Variants in OAT observed in about 807,000 individuals in gnomAD.
OAT encodes ornithine aminotransferase, also known as ornithine aminotransferase, mitochondrial.
OAT carries 35 observed loss-of-function variants against 48.4 expected under a neutral mutation model. The ratio of observed to expected loss-of-function variants is 0.72; its 90% CI spans 0.55 to 0.96. The LOEUF is 0.96. Ranked by LOEUF, OAT falls within the 40% of genes least tolerant of loss-of-function variation. The pLI is 0.00. For missense variants in OAT, 438 were observed against 537.9 expected, an observed-to-expected ratio of 0.81 and a Z score of 1.84; for synonymous variants, 182 against 198.4, an observed-to-expected ratio of 0.92 and a Z score of 0.70.
At chr10:124,411,176 G>GTCA (rs1160544641) in intron 2 of OAT, among the ~76,000 whole-genome samples, 2 of 133,868 alleles carry the variant, frequency 1.5e-5, no homozygotes, top group South Asian at 2.5e-4. Context: ...AAGAAGAGAT[G>GTCA]TCATGTCTGC....
chr10:124,405,982 T>C (rs1951565732), intron 4 of OAT: 1 of 1,089,110 alleles, frequency 9.2e-7, no homozygotes, highest in Non-Finnish European at 1.1e-6. Context: ...GGTTTTCCTT[T>C]CAAAACTCCA....
At chr10:124,410,246 T>C (rs556303085) in intron 2 of OAT, among the ~76,000 whole-genome samples, 10 of 152,168 alleles carry the variant, frequency 6.6e-5, no homozygotes, top group Non-Finnish European at 1.3e-4. Context: ...AAATTGTGAG[T>C]AAAAGTTCAT....
chr10:124,405,781 T>C, intron 4 of OAT: 1 of 1,340,874 alleles, frequency 7.5e-7, no homozygotes, highest in Non-Finnish European at 9.6e-7. Flanking sequence ...TAATTCCTAT[T>C]TTAGGCATTT....
intron 5 of OAT, among the ~76,000 whole-genome samples, chr10:124,404,270 C>CG (rs1951507058): frequency 7.2e-6 from 1 of 138,386 alleles, no homozygotes; most frequent in African/African-American, 2.6e-5. Context: ...TATTTATTTT[C>CG]ATTTTTTTTT....
chr10:124,418,129 G>GC (rs56168931), intron 1 of OAT: 10,030 of 152,286 alleles, frequency 0.066, 451 homozygotes, highest in Non-Finnish European at 0.09. Context: ...AAGTCCTGTT[G>GC]CCCCCCCATC....
At chr10:124,414,766 C>T (rs1190509341) in intron 1 of OAT, among the ~76,000 whole-genome samples, 1 of 152,046 alleles carries the variant, frequency 6.6e-6, no homozygotes, top group Non-Finnish European at 1.5e-5. Context: ...TCAGGCAATA[C>T]TTAGTGGTGC....
intron 2 of OAT, among the ~76,000 whole-genome samples, chr10:124,409,605 C>T (rs1310205842): frequency 6.6e-6 from 1 of 151,732 alleles, no homozygotes; most frequent in Non-Finnish European, 1.5e-5. Flanking sequence ...AGAAGTTACA[C>T]ATAACAGACA....
intron 7 of OAT, 45 bp from the exon 8 acceptor site, chr10:124,401,884 T>C (rs752824733): frequency 6.4e-6 from 9 of 1,403,524 alleles, no homozygotes; most frequent in East Asian, 4.6e-5. Flanking sequence ...GCACTAAGCA[T>C]TCTACTAAGC....
At chr10:124,410,203 A>T (rs951904042) in intron 2 of OAT, among the ~76,000 whole-genome samples, 4 of 152,236 alleles carry the variant, frequency 2.6e-5, no homozygotes, top group African/African-American at 9.6e-5. Flanking sequence ...CACCGTAATC[A>T]TTTATTCAGG....
At chr10:124,413,516 T>C (rs1012067946) in intron 1 of OAT, among the ~76,000 whole-genome samples, 4 of 152,058 alleles carry the variant, frequency 2.6e-5, no homozygotes, top group Non-Finnish European at 5.9e-5. Flanking sequence ...AAACCCCGTC[T>C]CTACTGAAAA....
intron 6 of OAT, 65 bp downstream of exon 6, chr10:124,403,733 A>G: frequency 1.2e-6 from 2 of 1,607,528 alleles, no homozygotes; most frequent in Non-Finnish European, 1.7e-6. Flanking sequence ...GGAGGAGCCC[A>G]TTCAGCCTCA....
In OAT at chr10:124,401,134, G is replaced by A. The variant is rs2491158; in HGVS notation, c.1015-150C>T. On this transcript the variant is annotated intron_variant, in intron 8 of 9. Coordinates refer to ENST00000368845, the MANE Select transcript of OAT (RefSeq NM_000274.4). ...TTGCTATTTTTCAAAGCCTGTATTA[G>A]TTTCTAATTAAACATACACTAGCTC... 0.84 allele frequency: 509,146 copies of A among 606,470 alleles called. 214,653 individuals are homozygous for A. Among genetic ancestry groups the A allele is most frequent in the East Asian group, 0.96 (33,958 of 35,532 alleles). 37.6% of individuals were successfully genotyped at this position (606,470 alleles called of 1,614,324 possible).
intron 5 of OAT, 39 bp downstream of exon 5, chr10:124,405,397 A>G: frequency 6.2e-7 from 1 of 1,611,632 alleles, no homozygotes; most frequent in Non-Finnish European, 8.5e-7. Context: ...TTTAATTTCT[A>G]TTCCCAATGA....
chr10:124,401,624 G>T, intron 8 of OAT, 102 bp downstream of exon 8: 1 of 776,280 alleles, frequency 1.3e-6, no homozygotes, highest in Non-Finnish European at 2.2e-6. Flanking sequence ...TCTAATATTT[G>T]GCATTCTTAT....
intron 4 of OAT, 102 bp from the exon 5 acceptor site, chr10:124,405,665 C>A: frequency 6.4e-7 from 1 of 1,559,642 alleles, no homozygotes. Context: ...AAAAATAAAT[C>A]AAGGGCTTGC....
Position 124,403,014 on chromosome 10 carries a change from T to G in OAT, c.813A>C (p.Arg271Ser). 2 of 1,614,160 alleles carry G rather than the reference T, an allele frequency of 1.2e-6. No individual in the cohort carries two copies. Among genetic ancestry groups the G allele is most frequent in the South Asian group, 2.2e-5 (2 of 91,090 alleles). The change falls in exon 7 of 10, where the codon AGA (arginine) becomes AGC (serine). Residue 271 changes from arginine to serine, a missense_variant. Arg to Ser is a moderately radical substitution (Grantham distance 110). Coordinates refer to ENST00000368845, the MANE Select transcript of OAT (RefSeq NM_000274.4). ...AATCAACAGCCAGCCATCTACCAGT[T>G]CTGGCCAATCCTGTCTGTATTTCAT... ...IADEIQTGLA[R>S]TGRWLAVDYE...
In OAT at chr10:124,412,029, T is replaced by C. The variant is rs1448597096; in HGVS notation, c.143A>G (p.Tyr48Cys). Reference protein sequence around the residue: ...PTSDDIFEREYKYGAHNYHPL... With the variant: ...PTSDDIFERECKYGAHNYHPL... ...ATGGTAGTTGTGTGCACCATACTTA[T>C]ATTCCCTTTCAAAAATGTCATCAGA... Residue 48 changes from tyrosine (Y) to cysteine (C), a missense_variant, in exon 2 of 10, where the codon TAT (tyrosine) becomes TGT (cysteine). Transcript: ENST00000368845. 1.2e-6 allele frequency: 2 copies of C among 1,614,264 alleles called. No homozygotes were observed. Among genetic ancestry groups the C allele is most frequent in the South Asian group, 1.1e-5 (1 of 91,086 alleles).
At chr10:124,409,564 T>A (rs202102359) in intron 2 of OAT, among the ~76,000 whole-genome samples, 1 of 150,306 alleles carries the variant, frequency 6.7e-6, no homozygotes, top group Non-Finnish European at 1.5e-5. Flanking sequence ...AAAAAAAAAA[T>A]AAAATAAATA....
intron 4 of OAT, chr10:124,405,785 G>C: frequency 5.2e-6 from 7 of 1,335,568 alleles, no homozygotes; most frequent in Non-Finnish European, 6.7e-6. Context: ...TCCTATTTTA[G>C]GCATTTCTCT....
Sources: gnomAD v4.1 joint callset for allele counts (sites outside exome capture counted in the v4.1 genomes callset) on GRCh38, gnomAD v4.1.1 for gene constraint, MANE v1.5 for transcripts, NCBI Gene and HGNC (gene_info 2026-07-23, HGNC 2026-07-21) for gene names.